Variants in SLC12A7 observed in about 807,000 individuals in gnomAD.
SLC12A7 encodes solute carrier family 12 member 7.
In SLC12A7, 100 loss-of-function variants were observed where a neutral mutation model predicts 120.6. The ratio of observed to expected loss-of-function variants is 0.83; its 90% confidence interval spans 0.71 to 0.98. The LOEUF (loss-of-function observed/expected upper bound fraction) is 0.98, where lower values mean the gene tolerates loss of function less well. SLC12A7 is among the 50% of genes least tolerant of loss of function. The pLI, the probability that SLC12A7 is intolerant of heterozygous loss-of-function variation, is 0.00. For synonymous variants in SLC12A7, 760 were observed against 678.0 expected, an observed-to-expected ratio of 1.12 and a Z score of -1.88; for missense variants, 1,373 against 1,548.1, an observed-to-expected ratio of 0.89 and a Z score of 1.90.
chr5:1,053,936 C>A (rs902086709), intron 22 of SLC12A7, among the ~76,000 whole-genome samples: 1 of 152,228 alleles, frequency 6.6e-6, no homozygotes, highest in South Asian at 2.1e-4. Context: ...AACACAGACC[C>A]GTCAGGCTGG....
At chr5:1,146,212 C>T in the SLC12A7 span, among the ~76,000 whole-genome samples, 3 of 152,236 alleles carry the variant, frequency 2.0e-5, no homozygotes, top group Non-Finnish European at 2.9e-5. This position sits in a 1 kb window ranked among gnomAD's most constrained non-coding sequence, Gnocchi z 6.5. Flanking sequence ...CACCCACCTT[C>T]TTGAGGCTCC....
Position 1,060,412 on chromosome 5 carries a change from G to A in SLC12A7, c.2779C>T (p.Leu927=). Reference sequence around the variant, plus strand: ...ATCTGCGACCTCTGCTCCATCATTAGTGTCCTCTCGTAGGTGAAAGCAGAT... The same window carrying A: ...ATCTGCGACCTCTGCTCCATCATTAATGTCCTCTCGTAGGTGAAAGCAGAT... ...DISAFTYERT[L]MMEQRSQMLK... Residue 927 remains leucine (L), a synonymous_variant, in exon 21 of 24, where the codon CTA becomes TTA. Transcript: ENST00000264930. The A allele has an allele frequency of 6.2e-7, 1 of 1,613,792 alleles. No individual in the cohort carries two copies. Among genetic ancestry groups the A allele is most frequent in the Non-Finnish European group, 8.5e-7 (1 of 1,179,974 alleles).
At chr5:1,069,016 T>C (rs1344833987) in intron 17 of SLC12A7, among the ~76,000 whole-genome samples, 1 of 152,208 alleles carries the variant, frequency 6.6e-6, no homozygotes, top group East Asian at 1.9e-4. Context: ...AAGGGACATA[T>C]GGGGACCAGG....
intron 3 of SLC12A7, among the ~76,000 whole-genome samples, chr5:1,090,064 G>A (rs1242172423): frequency 6.6e-6 from 1 of 152,268 alleles, no homozygotes; most frequent in African/African-American, 2.4e-5. Context: ...GCCACAATGT[G>A]GATCAGAACA....
chr5:1,149,429 T>G, the SLC12A7 span, among the ~76,000 whole-genome samples: 1 of 151,670 alleles, frequency 6.6e-6, no homozygotes, highest in African/African-American at 2.4e-5. Flanking sequence ...ATATAAAAAT[T>G]AGCCAGGCGT....
chr5:1,145,909 G>A, the SLC12A7 span, among the ~76,000 whole-genome samples: 3 of 152,068 alleles, frequency 2.0e-5, no homozygotes, highest in Non-Finnish European at 2.9e-5. This position sits in a 1 kb window ranked among gnomAD's most constrained non-coding sequence, Gnocchi z 4.4. Flanking sequence ...TGGGTGAGCA[G>A]TTCAGTGGCA....
intron 18 of SLC12A7, 29 bp downstream of exon 18, chr5:1,065,254 G>A (rs1736913817): frequency 6.6e-7 from 1 of 1,510,800 alleles, no homozygotes; most frequent in Non-Finnish European, 9.0e-7. Context: ...ACGGTGAGGG[G>A]ATGCCGAAGG....
chr5:1,096,774 AGGG>A (rs1561098145), intron 1 of SLC12A7, among the ~76,000 whole-genome samples: 1 of 6,786 alleles, frequency 1.5e-4, no homozygotes, highest in Non-Finnish European at 3.1e-4. Flanking sequence ...GAAAGGAGGG[AGGG>A]GGGGAGGGAG....
chr5:1,155,580 C>T, the SLC12A7 span, among the ~76,000 whole-genome samples: 3 of 151,424 alleles, frequency 2.0e-5, no homozygotes, highest in African/African-American at 7.3e-5. Context: ...GGGACCGACC[C>T]CCGGGCTGAC....
chr5:1,058,358 T>C (rs1735845243), intron 21 of SLC12A7, among the ~76,000 whole-genome samples: 3 of 152,236 alleles, frequency 2.0e-5, no homozygotes, highest in Admixed American at 2.0e-4. Context: ...ACGCCCTCCA[T>C]GCTGTCGTGG....
At chr5:1,146,833 A>T in the SLC12A7 span, among the ~76,000 whole-genome samples, 6 of 152,062 alleles carry the variant, frequency 3.9e-5, no homozygotes, top group Non-Finnish European at 7.4e-5. The surrounding 1 kb of genome is among the most constrained non-coding windows in gnomAD (Gnocchi z 6.5). Flanking sequence ...AAATCTACCT[A>T]TGACCTGGAA....
chr5:1,118,363 C>T, the SLC12A7 span, among the ~76,000 whole-genome samples: 17,621 of 152,278 alleles, frequency 0.12, 1,064 homozygotes, highest in South Asian at 0.18. Flanking sequence ...GCCTCAGCCC[C>T]TTGAACAGAG....
upstream of SLC12A7, chr5:1,112,096 C>G (rs1270128883): frequency 1.2e-5 from 14 of 1,152,312 alleles, no homozygotes; most frequent in Non-Finnish European, 1.2e-5. Context: ...CCGAGCCGCC[C>G]CGCCCCGCCC....
At chr5:1,077,117 G>A (rs1422404891) in intron 12 of SLC12A7, among the ~76,000 whole-genome samples, 8 of 141,650 alleles carry the variant, frequency 5.6e-5, no homozygotes, top group South Asian at 2.4e-4. Context: ...CAGGGCACTC[G>A]CGGTTCCCCA....
intron 3 of SLC12A7, among the ~76,000 whole-genome samples, chr5:1,091,760 C>T (rs935620060): frequency 1.3e-5 from 2 of 152,138 alleles, no homozygotes; most frequent in Non-Finnish European, 2.9e-5. Flanking sequence ...AGTTCCGCAG[C>T]GTCCACGTGC....
the SLC12A7 span, among the ~76,000 whole-genome samples, chr5:1,120,536 T>G: frequency 1.3e-5 from 2 of 152,206 alleles, no homozygotes; most frequent in Admixed American, 1.3e-4. Flanking sequence ...GTCCGTGGAA[T>G]GCACGGCCAC....
intron 1 of SLC12A7, among the ~76,000 whole-genome samples, chr5:1,106,738 C>G (rs1008060663): frequency 6.6e-6 from 1 of 152,240 alleles, no homozygotes; most frequent in African/African-American, 2.4e-5. Flanking sequence ...CCCAAACACA[C>G]TAAGCCACAG....
chr5:1,078,919 C>T (rs1044631335), intron 10 of SLC12A7, among the ~76,000 whole-genome samples, 161 bp from the exon 11 acceptor site: 14 of 152,108 alleles, frequency 9.2e-5, no homozygotes, highest in Admixed American at 9.2e-4. Context: ...ATCCCGGGCA[C>T]GTCCTGTCCC....
upstream of SLC12A7, among the ~76,000 whole-genome samples, chr5:1,115,587 A>G (rs1349994929): frequency 6.6e-6 from 1 of 151,810 alleles, no homozygotes; most frequent in Non-Finnish European, 1.5e-5. Context: ...GGCAGGGCGC[A>G]CCTCCAGGGC....
Sources: allele counts gnomAD v4.1 joint callset (sites outside exome capture counted in the v4.1 genomes callset), GRCh38; gene constraint gnomAD v4.1.1; non-coding constraint Gnocchi (gnomAD v3.1); transcripts MANE v1.5; gene names NCBI Gene and HGNC (gene_info 2026-07-23, HGNC 2026-07-21).